SLC9A9: variants seen among roughly 807,000 people sequenced by gnomAD.
SLC9A9 encodes the protein sodium/hydrogen exchanger 9.
SLC9A9 carries 62 observed loss-of-function variants against 77.8 expected under a neutral mutation model. That is an observed-to-expected ratio of 0.80 (90% CI 0.65 to 0.98). The LOEUF (loss-of-function observed/expected upper bound fraction) is 0.98, where lower values mean the gene tolerates loss of function less well. SLC9A9 is among the 50% of genes least tolerant of loss of function. The pLI, the probability that SLC9A9 is intolerant of heterozygous loss-of-function variation, is 0.00. For missense variants in SLC9A9, 775 were observed against 774.9 expected, an observed-to-expected ratio of 1.00 and a Z score of 0.00; for synonymous variants, 320 against 283.5, an observed-to-expected ratio of 1.13 and a Z score of -1.29.
rs111544803 is a variant in SLC9A9 at position 143,350,116 on chromosome 3, C to T, written c.1604+13368G>A. Among the ~76,000 whole-genome samples, 24 of 152,274 alleles carry T rather than the reference C, an allele frequency of 1.6e-4. 1 individual carries two copies. The highest frequency in any genetic ancestry group is 5.5e-4 in the African/African-American group (23 of 41,536). On this transcript the variant is annotated intron_variant, in intron 14 of 15. Coordinates refer to ENST00000316549, the MANE Select transcript of SLC9A9 (RefSeq NM_173653.4). Reference sequence around the variant, plus strand: ...TGTTTCTTTGACTGGCATAAGCAGACTTCTAGTCATGAGGGCTGGAACCCC... The same window carrying T: ...TGTTTCTTTGACTGGCATAAGCAGATTTCTAGTCATGAGGGCTGGAACCCC...
intron 1 of SLC9A9, among the ~76,000 whole-genome samples, chr3:143,842,120 C>T (rs1207251916): frequency 6.6e-6 from 1 of 151,998 alleles, no homozygotes; most frequent in Non-Finnish European, 1.5e-5. Flanking sequence ...GTGGCTCACG[C>T]CTGTAATCCC....
intron 6 of SLC9A9, among the ~76,000 whole-genome samples, chr3:143,616,467 A>T (rs1318168792): frequency 6.6e-6 from 1 of 152,176 alleles, no homozygotes; most frequent in Admixed American, 6.5e-5. Flanking sequence ...AAATAGTTCC[A>T]TATGTCCTCA....
At position 143,266,796 on chromosome 3, in the gene SLC9A9, G is replaced by A. The variant is rs767114012; in HGVS notation, c.1844C>T (p.Thr615Met). ...CTCATAAATGTTTTCCTTGCCTGGC[G>A]TCTGGGGTGAAGCTTTCTGGTCCAG... Reference protein sequence around the residue: ...LGLDQKASPQTPGKENIYEGD... With the variant: ...LGLDQKASPQMPGKENIYEGD... The change falls in exon 16 of 16, where the codon ACG (threonine) becomes ATG (methionine). Residue 615 changes from threonine (T) to methionine (M), a missense_variant. Physicochemically the swap from Thr to Met is moderately conservative, Grantham distance 81. Transcript: ENST00000316549. The A allele has an allele frequency of 4.6e-5, 74 of 1,614,020 alleles. No individual in the cohort carries two copies. Among genetic ancestry groups the A allele is most frequent in the Middle Eastern group, 3.3e-4 (2 of 6,084 alleles).
chr3:143,452,319 A>G (rs2035021301), intron 12 of SLC9A9, among the ~76,000 whole-genome samples: 1 of 152,118 alleles, frequency 6.6e-6, no homozygotes, highest in Admixed American at 6.6e-5. Context: ...CTTGCCAAAA[A>G]TATTCAACCT....
At chr3:143,530,646 A>T (rs2036491474) in intron 9 of SLC9A9, among the ~76,000 whole-genome samples, 2 of 147,444 alleles carry the variant, frequency 1.4e-5, no homozygotes, top group Non-Finnish European at 3.0e-5. Context: ...TGAAAAACAA[A>T]ACAAAACAAA....
At chr3:143,745,393 T>C (rs1935177328) in intron 4 of SLC9A9, among the ~76,000 whole-genome samples, 1 of 152,228 alleles carries the variant, frequency 6.6e-6, no homozygotes, top group East Asian at 1.9e-4. Flanking sequence ...CACAATTTTA[T>C]CTCTTGGGCT....
At chr3:143,538,231 T>C (rs2036626808) in intron 9 of SLC9A9, among the ~76,000 whole-genome samples, 1 of 152,174 alleles carries the variant, frequency 6.6e-6, no homozygotes, top group Admixed American at 6.5e-5. Flanking sequence ...CTATATTTTT[T>C]CCCTGGAAGG....
intron 10 of SLC9A9, among the ~76,000 whole-genome samples, 191 bp downstream of exon 10, chr3:143,495,144 T>C (rs988097013): frequency 6.6e-6 from 1 of 152,226 alleles, no homozygotes; most frequent in Admixed American, 6.5e-5. Flanking sequence ...TCTTGAACCA[T>C]AATTATTTAA....
chr3:143,567,003 A>G (rs1411949872), intron 8 of SLC9A9, among the ~76,000 whole-genome samples: 2 of 152,292 alleles, frequency 1.3e-5, no homozygotes, highest in East Asian at 1.9e-4. Flanking sequence ...AATACTGCTG[A>G]AGTATTTTCA....
Position 143,641,385 on chromosome 3 carries a change from C to CTTTTTTTTTTTTTTT in SLC9A9, c.755+10855_755+10869dup, listed in dbSNP as rs529425639. On this transcript the variant is annotated intron_variant, in intron 6 of 15. Coordinates refer to ENST00000316549, the MANE Select transcript of SLC9A9 (RefSeq NM_173653.4). Reference sequence around the variant, plus strand: ...AAAAAGAATTATCTGTTGTCACAGTCTTTTTTTTTTTTTTTTTTTTTTTTG... The same window carrying CTTTTTTTTTTTTTTT: ...AAAAAGAATTATCTGTTGTCACAGTCTTTTTTTTTTTTTTTTTTTTTTTTTTTTTTTTTTTTTTTG... Among the ~76,000 whole-genome samples the CTTTTTTTTTTTTTTT allele has an allele frequency of 7.6e-5, 6 of 78,820 alleles. 1 individual carries two copies. The highest frequency in any genetic ancestry group is 1.9e-4 in the Admixed American group (1 of 5,404). 51.7% of individuals were successfully genotyped at this position (78,820 alleles called of 152,430 possible).
At chr3:143,361,865 T>G (rs372465996) in intron 14 of SLC9A9, among the ~76,000 whole-genome samples, 1 of 152,226 alleles carries the variant, frequency 6.6e-6, no homozygotes, top group Non-Finnish European at 1.5e-5. Flanking sequence ...TTTTTTCACT[T>G]TATTCCTTTT....
chr3:143,335,040 T>C (rs985933542), intron 14 of SLC9A9, among the ~76,000 whole-genome samples: 3 of 151,780 alleles, frequency 2.0e-5, no homozygotes, highest in Non-Finnish European at 4.4e-5. Flanking sequence ...ATCTTATATA[T>C]AGAAAACCCT....
intron 14 of SLC9A9, chr3:143,343,531 C>G (rs181801278): frequency 2.0e-5 from 3 of 152,240 alleles, no homozygotes; most frequent in Admixed American, 6.5e-5. Context: ...GAAAATACTA[C>G]AGAGAGAAAA....
At position 143,592,491 on chromosome 3, in the gene SLC9A9, G is replaced by A. The variant is rs558450287; in HGVS notation, c.756-13768C>T. On this transcript the variant is annotated intron_variant, in intron 6 of 15. Transcript: ENST00000316549. Reference sequence around the variant, plus strand: ...AGCATGGCTGGGATCAAACGTGGCTGCTCCAGGCTAGCAGACAACATATGT... The same window carrying A: ...AGCATGGCTGGGATCAAACGTGGCTACTCCAGGCTAGCAGACAACATATGT... Among the ~76,000 whole-genome samples, 23 of 152,336 alleles carry A rather than the reference G, an allele frequency of 1.5e-4. No homozygotes were observed. In the East Asian group the frequency reaches 4.0e-3, roughly 27 times the overall value.
chr3:143,290,755 T>A (rs975434765), intron 14 of SLC9A9, among the ~76,000 whole-genome samples: 3 of 152,218 alleles, frequency 2.0e-5, no homozygotes, highest in African/African-American at 7.2e-5. Flanking sequence ...AAATTAAGCA[T>A]CTTTCATTAT....
chr3:143,593,617 A>G (rs2037697717), intron 6 of SLC9A9, among the ~76,000 whole-genome samples: 1 of 152,192 alleles, frequency 6.6e-6, no homozygotes, highest in Non-Finnish European at 1.5e-5. Flanking sequence ...TAAATAAAAT[A>G]AAGGACTGTG....
chr3:143,425,973 CTTTT>C (rs34690704), intron 12 of SLC9A9, among the ~76,000 whole-genome samples: 3 of 147,450 alleles, frequency 2.0e-5, no homozygotes, highest in African/African-American at 7.4e-5. Flanking sequence ...GCCACAATGG[CTTTT>C]TTTTTTTTTC....
At chr3:143,622,194 G>C (rs1388451104) in intron 6 of SLC9A9, among the ~76,000 whole-genome samples, 2 of 152,310 alleles carry the variant, frequency 1.3e-5, no homozygotes, top group East Asian at 3.9e-4. Context: ...ACACTCTGCA[G>C]GATATTATCC....
rs533803734 is a variant in SLC9A9, at chr3:143,664,461, C to T, written c.650-12101G>A. 2.4e-4 allele frequency among the ~76,000 whole-genome samples: 37 copies of T among 152,276 alleles called. No homozygotes were observed. The South Asian group carries it at 5.8e-3, about 24-fold the overall frequency. ...ACCAGCTAACATCATACTGACAGGA[C>T]CAAATTCACACATAACAATATTAAC... On this transcript the variant is annotated intron_variant, in intron 5 of 15. Coordinates refer to ENST00000316549, the MANE Select transcript of SLC9A9 (RefSeq NM_173653.4).
Sources: gnomAD v4.1 joint callset for allele counts (sites outside exome capture counted in the v4.1 genomes callset) on GRCh38, gnomAD v4.1.1 for gene constraint, MANE v1.5 for transcripts, NCBI Gene and HGNC (gene_info 2026-07-23, HGNC 2026-07-21) for gene names.